Variants in RELN observed in about 807,000 individuals in gnomAD.
The protein encoded by RELN is reelin.
Under a neutral mutation model 427.6 loss-of-function variants are expected in RELN, and 108 were observed. The observed-to-expected ratio is 0.25, with a 90% CI of 0.22 to 0.30. The LOEUF is 0.30. Ranked by LOEUF, RELN falls within the 10% of genes least tolerant of loss-of-function variation. The pLI is 1.00. For missense variants in RELN, 3,715 were observed against 4,302.8 expected (o/e 0.86, Z 3.82); for synonymous variants, 1,524 against 1,513.4 (o/e 1.01, Z -0.16).
intron 3 of RELN, among the ~76,000 whole-genome samples, chr7:103,792,852 A>C (rs1792201879): frequency 6.6e-6 from 1 of 152,302 alleles, no homozygotes; most frequent in African/African-American, 2.4e-5. Flanking sequence ...GCTGTAGATA[A>C]GCTAATAGGA....
intron 3 of RELN, among the ~76,000 whole-genome samples, chr7:103,829,263 G>A (rs1279538882): frequency 2.6e-5 from 4 of 151,524 alleles, no homozygotes; most frequent in African/African-American, 7.3e-5. Context: ...AGGGTTAGAC[G>A]GTTTGGAGAT....
chr7:103,885,168 T>G (rs1394520662), intron 2 of RELN, among the ~76,000 whole-genome samples: 1 of 151,916 alleles, frequency 6.6e-6, no homozygotes, highest in Non-Finnish European at 1.5e-5. Flanking sequence ...TGAAACCCCA[T>G]CTCTACTAAA....
At position 103,957,410 on chromosome 7, in the gene RELN, TAAC is replaced by T. The variant is rs1796455156; in HGVS notation, c.226+31718_226+31720del. On this transcript the variant is annotated intron_variant, in intron 1 of 64. Coordinates refer to ENST00000428762, the MANE Select transcript of RELN (RefSeq NM_005045.4). ...AATTCTAAGGGAGTTGACTCAGTCATAACAACAGTCCTTTAACATGTGCATAAC... is the reference window on the plus strand; with the variant it reads ...AATTCTAAGGGAGTTGACTCAGTCATAACAGTCCTTTAACATGTGCATAAC... Among the ~76,000 whole-genome samples the T allele has an allele frequency of 2.6e-5, 4 of 152,314 alleles. 1 individual carries two copies. The South Asian group carries it at 8.3e-4, about 32-fold the overall frequency.
chr7:103,785,685 T>C (rs1364985001), intron 3 of RELN, among the ~76,000 whole-genome samples: 3 of 152,122 alleles, frequency 2.0e-5, no homozygotes. Flanking sequence ...TATGTTGATC[T>C]TATATGAGTG....
At chr7:103,566,480 T>C in intron 32 of RELN, 68 bp from the exon 33 acceptor site, 1 of 1,587,890 alleles carries the variant, frequency 6.3e-7, no homozygotes, top group Non-Finnish European at 8.6e-7. Flanking sequence ...TCTTCATGAC[T>C]GTGATTTTAA....
chr7:103,637,121 A>G (rs1832600297), intron 17 of RELN, among the ~76,000 whole-genome samples: 1 of 152,184 alleles, frequency 6.6e-6, no homozygotes, highest in African/African-American at 2.4e-5. Context: ...AATGTGCTGT[A>G]TTTATATTAG....
chr7:103,733,263 TGG>T (rs1013188420), intron 6 of RELN, among the ~76,000 whole-genome samples: 2 of 151,316 alleles, frequency 1.3e-5, no homozygotes, highest in Non-Finnish European at 3.0e-5. Flanking sequence ...CCAGTTAGAA[TGG>T]CAATCATTAA....
In RELN at chr7:103,989,147, C is replaced by G. The variant is rs770473518; in HGVS notation, c.210G>C (p.Pro70=). 1 of 1,613,840 alleles carries G rather than the reference C, an allele frequency of 6.2e-7. No homozygotes were observed. Among genetic ancestry groups the G allele is most frequent in the African/African-American group, 1.3e-5 (1 of 74,906 alleles). The change falls in exon 1 of 65, where the codon CCG becomes CCC. Residue 70 remains proline, a synonymous_variant. Coordinates refer to ENST00000428762, the MANE Select transcript of RELN (RefSeq NM_005045.4). This position sits in a 1 kb window ranked among gnomAD's most constrained non-coding sequence, Gnocchi z 4.9. ...HIAGNPTYYV[P]GQEYHVTIST... ...GGTACCTACCATGGTATTCTTGTCCCGGAACGTAGTAGGTGGGGTTGCCCG... is the reference window on the plus strand; with the variant it reads ...GGTACCTACCATGGTATTCTTGTCCGGGAACGTAGTAGGTGGGGTTGCCCG...
intron 64 of RELN, among the ~76,000 whole-genome samples, chr7:103,473,216 T>A (rs987888491): frequency 2.0e-5 from 3 of 152,248 alleles, no homozygotes; most frequent in Non-Finnish European, 4.4e-5. Context: ...ATTTTATTCT[T>A]GAATGCTTCC....
chr7:103,542,138 A>G (rs940077000), intron 43 of RELN, among the ~76,000 whole-genome samples: 4 of 152,216 alleles, frequency 2.6e-5, no homozygotes, highest in African/African-American at 9.6e-5. Flanking sequence ...TAATCCTCTG[A>G]GCCAGTTTAA....
chr7:103,719,441 C>T (rs565477091), intron 8 of RELN, among the ~76,000 whole-genome samples: 1 of 152,132 alleles, frequency 6.6e-6, no homozygotes, highest in Non-Finnish European at 1.5e-5. Context: ...ACAACAATGC[C>T]GTTTTCTAGA....
chr7:103,529,126 C>T (rs1829885987), intron 46 of RELN, among the ~76,000 whole-genome samples: 1 of 81,620 alleles, frequency 1.2e-5, no homozygotes, highest in Admixed American at 1.4e-4. Flanking sequence ...CAGAGTGAGA[C>T]TCCATCTCAA....
intron 60 of RELN, among the ~76,000 whole-genome samples, chr7:103,488,772 G>A (rs1283140635): frequency 6.6e-6 from 1 of 152,174 alleles, no homozygotes; most frequent in Admixed American, 6.5e-5. Context: ...CCTTAGGCAG[G>A]TCATTTAGCC....
At chr7:103,975,406 G>C (rs1202170989) in intron 1 of RELN, among the ~76,000 whole-genome samples, 1 of 152,248 alleles carries the variant, frequency 6.6e-6, no homozygotes, top group African/African-American at 2.4e-5. Context: ...TATACTGATA[G>C]AGCACACAAA....
chr7:103,860,748 T>C (rs575357224), intron 2 of RELN, among the ~76,000 whole-genome samples: 76 of 152,134 alleles, frequency 5.0e-4, no homozygotes, highest in African/African-American at 1.8e-3. Context: ...CAAAAAGAGT[T>C]CTATGAGAAA....
chr7:103,978,240 AC>A (rs1796921471), intron 1 of RELN, among the ~76,000 whole-genome samples: 1 of 151,774 alleles, frequency 6.6e-6, no homozygotes, highest in African/African-American at 2.4e-5. Flanking sequence ...AATCCCTAGC[AC>A]CTGGCAACTA....
chr7:103,565,439 C>A lies in RELN; in HGVS notation c.5049G>T (p.Gln1683His). Residue 1683 changes from glutamine (Q) to histidine (H), a missense_variant, in exon 34 of 65, where the codon CAG becomes CAT. Physicochemically the swap from Gln to His is conservative, Grantham distance 24 (BLOSUM62 0). Transcript: ENST00000428762. ...SKPFSNSHSV[Q>H]LQYSLNNGKD... ...TGCCATTGTTCAGAGAATACTGGAG[C>A]TGTACACTGTGGGAGTTGCTGAAGG... The A allele has an allele frequency of 3.1e-6, 5 of 1,613,914 alleles. No individual in the cohort carries two copies. The highest frequency in any genetic ancestry group is 4.2e-6 in the Non-Finnish European group (5 of 1,179,952).
At chr7:103,820,807 C>A (rs1245908312) in intron 3 of RELN, among the ~76,000 whole-genome samples, 1 of 151,910 alleles carries the variant, frequency 6.6e-6, no homozygotes, top group Non-Finnish European at 1.5e-5. Flanking sequence ...ACAAGAAAAC[C>A]ACTTAGCTTC....
rs1398328619 is a variant in RELN, at chr7:103,833,684, G to A, written c.338-12C>T. 1 of 1,611,834 alleles carries A rather than the reference G, an allele frequency of 6.2e-7. No individual in the cohort carries two copies. Among genetic ancestry groups the A allele is most frequent in the Non-Finnish European group, 8.5e-7 (1 of 1,178,440 alleles). ...GTCAGACATGATCCCTAAGAGAAAG[G>A]AAGGAGAGTTGTTACAAAGACAACA... On this transcript the variant is annotated splice_polypyrimidine_tract_variant and intron_variant, in intron 2 of 64. Transcript: ENST00000428762.
Sources: allele counts gnomAD v4.1 joint callset (sites outside exome capture counted in the v4.1 genomes callset), GRCh38; gene constraint gnomAD v4.1.1; non-coding constraint Gnocchi (gnomAD v3.1); transcripts MANE v1.5; gene names NCBI Gene and HGNC (gene_info 2026-07-23, HGNC 2026-07-21).